OR1L8: variants seen among roughly 807,000 people sequenced by gnomAD.
OR1L8 encodes the protein olfactory receptor family 1 subfamily L member 8, also known as olfactory receptor 1L8.
For missense variants in OR1L8, 330 were observed against 377.4 expected (o/e 0.87, Z 1.04); for synonymous variants, 148 against 147.0 (o/e 1.01, Z -0.05).
chr9:122,580,084 A>T (rs1829719318), intron 1 of OR1L8, among the ~76,000 whole-genome samples: 1 of 152,216 alleles, frequency 6.6e-6, no homozygotes, highest in South Asian at 2.1e-4. Context: ...AATTGGTCAC[A>T]AAAAGTGGAC....
the OR1L8 span, chr9:122,553,163 C>T: frequency 6.3e-7 from 1 of 1,581,444 alleles, no homozygotes. Context: ...TAAATAAATA[C>T]TGACACATGG....
At chr9:122,570,627 GTTCC>G (rs1237492259) in intron 4 of OR1L8, among the ~76,000 whole-genome samples, 1 of 152,136 alleles carries the variant, frequency 6.6e-6, no homozygotes, top group African/African-American at 2.4e-5. Flanking sequence ...AGGACAAGCT[GTTCC>G]CCAGCCACCT....
chr9:122,547,606 C>T, the OR1L8 span, among the ~76,000 whole-genome samples: 1 of 147,964 alleles, frequency 6.8e-6, no homozygotes, highest in African/African-American at 2.5e-5. Flanking sequence ...TTTTTTATGG[C>T]TGAGTAGTAG....
At chr9:122,559,020 G>A in the OR1L8 span, among the ~76,000 whole-genome samples, 297 of 151,998 alleles carry the variant, frequency 2.0e-3, 10 homozygotes, top group East Asian at 0.052. Context: ...TCACATATCC[G>A]TCATCTCAAC....
intron 4 of OR1L8, among the ~76,000 whole-genome samples, chr9:122,569,803 A>G (rs889008894): frequency 6.6e-6 from 1 of 152,084 alleles, no homozygotes; most frequent in Non-Finnish European, 1.5e-5. Flanking sequence ...AGCATTAGAT[A>G]TATCTCCTAA....
At chr9:122,562,436 AG>A (rs895800470), downstream of OR1L8, among the ~76,000 whole-genome samples, 50 of 152,212 alleles carry the variant, frequency 3.3e-4, no homozygotes, top group Admixed American at 3.3e-3. Flanking sequence ...TTGGGACCCT[AG>A]GCCCTGGTGG....
the OR1L8 span, among the ~76,000 whole-genome samples, chr9:122,547,042 A>G: frequency 1.3e-5 from 2 of 152,142 alleles, no homozygotes; most frequent in Non-Finnish European, 2.9e-5. Context: ...GAACACTAGA[A>G]CTTATCCTGC....
chr9:122,560,329 T>C, the OR1L8 span, among the ~76,000 whole-genome samples: 2,251 of 152,298 alleles, frequency 0.015, 32 homozygotes, highest in Non-Finnish European at 0.021. Context: ...CCCGTTTACA[T>C]TTAAGGTTAA....
At chr9:122,554,073 C>G in the OR1L8 span, 40 of 1,613,032 alleles carry the variant, frequency 2.5e-5, no homozygotes, top group Non-Finnish European at 3.1e-5. Flanking sequence ...TATTCCCACG[C>G]TAAACCCATT....
intron 1 of OR1L8, 93 bp from the exon 2 acceptor site, chr9:122,578,538 A>G (rs946797761): frequency 2.0e-5 from 3 of 152,074 alleles, no homozygotes; most frequent in African/African-American, 7.2e-5. Context: ...TTGCAAAAAT[A>G]TGGAACCAGC....
chr9:122,558,311 C>CTTTTTTTTTTTTTTTTTTTT, the OR1L8 span, among the ~76,000 whole-genome samples: 1 of 34,472 alleles, frequency 2.9e-5, no homozygotes, highest in Non-Finnish European at 4.8e-5. Flanking sequence ...TTGGATTTTG[C>CTTTTTTTTTTTTTTTTTTTT]TTTTTTTTTT....
chr9:122,566,735 A>G (rs536864748), downstream of OR1L8, among the ~76,000 whole-genome samples: 37 of 150,654 alleles, frequency 2.5e-4, 1 homozygote, highest in East Asian at 5.8e-3. Context: ...ATATTACTCA[A>G]TACAAATTTA....
chr9:122,555,729 CTT>C, the OR1L8 span, among the ~76,000 whole-genome samples: 2 of 152,158 alleles, frequency 1.3e-5, no homozygotes, highest in Admixed American at 6.5e-5. Context: ...AATATATAGA[CTT>C]TACTCTTTTA....
the OR1L8 span, among the ~76,000 whole-genome samples, chr9:122,552,454 A>G: frequency 6.6e-6 from 1 of 152,192 alleles, no homozygotes; most frequent in Non-Finnish European, 1.5e-5. Flanking sequence ...ATAGAGATGC[A>G]TAGCAGCAAA....
In OR1L8 at chr9:122,567,906, G is replaced by A. The variant is rs577345138; in HGVS notation, c.572C>T (p.Ser191Phe). 4 of 1,613,976 alleles carry A rather than the reference G, an allele frequency of 2.5e-6. No homozygotes were observed. The highest frequency in any genetic ancestry group is 3.3e-5 in the Admixed American group (2 of 60,022). ...CACAATTTCATTGACAAATATGGAA[G>A]AGCAGGACAATTTCAGCACAGGGCT... ...DLSPVLKLSC[S>F]SIFVNEIVQM... Residue 191 changes from serine (S) to phenylalanine (F), a missense_variant, in exon 5 of 5, where the codon TCT (serine) becomes TTT (phenylalanine). Transcript: ENST00000641027.
chr9:122,557,301 T>C, the OR1L8 span, among the ~76,000 whole-genome samples: 1 of 152,146 alleles, frequency 6.6e-6, no homozygotes, highest in South Asian at 2.1e-4. Flanking sequence ...GCCTTGTTCC[T>C]GATCTTAGTG....
chr9:122,574,370 A>G (rs558931442), intron 3 of OR1L8, among the ~76,000 whole-genome samples: 1 of 152,042 alleles, frequency 6.6e-6, no homozygotes, highest in Non-Finnish European at 1.5e-5. Flanking sequence ...TTTATCTTTC[A>G]TCATGGTTTT....
chr9:122,569,808 T>G (rs1454107871), intron 4 of OR1L8, among the ~76,000 whole-genome samples: 2 of 152,092 alleles, frequency 1.3e-5, no homozygotes, highest in Non-Finnish European at 2.9e-5. Flanking sequence ...TAGATATATC[T>G]CCTAAAGCTA....
chr9:122,568,415 C>T lies in OR1L8; in HGVS notation c.63G>A (p.Arg21=). ...CAAAGAGTGTCTTTTGGTCCTCAGGCCGGGAGGAGAGTCCCAGGAGGATAA... is the reference window on the plus strand; with the variant it reads ...CAAAGAGTGTCTTTTGGTCCTCAGGTCGGGAGGAGAGTCCCAGGAGGATAA... ...SEFILLGLSS[R]PEDQKTLFVL... Residue 21 remains arginine (R), a synonymous_variant, in exon 5 of 5, where the codon CGG becomes CGA. Transcript: ENST00000641027. 1 of 1,613,328 alleles carries T rather than the reference C, an allele frequency of 6.2e-7. No individual in the cohort carries two copies.
Sources: allele counts gnomAD v4.1 joint callset (sites outside exome capture counted in the v4.1 genomes callset), GRCh38; gene constraint gnomAD v4.1.1; transcripts MANE v1.5; gene names NCBI Gene and HGNC (gene_info 2026-07-23, HGNC 2026-07-21).